The following ZNF385D variants were observed in gnomAD, a reference collection of about 807,000 sequenced individuals.
ZNF385D encodes the protein zinc finger protein 659.
ZNF385D carries 15 observed loss-of-function variants against 35.8 expected under a neutral mutation model. The ratio of observed to expected loss-of-function variants is 0.42; its 90% CI spans 0.28 to 0.64. The LOEUF is 0.64. Among genes scored for constraint, ZNF385D ranks in the 30% least tolerant of loss-of-function variants. The pLI is 0.23. For missense variants in ZNF385D, 474 were observed against 494.6 expected, an observed-to-expected ratio of 0.96 and a Z score of 0.39; for synonymous variants, 212 against 186.8, an observed-to-expected ratio of 1.13 and a Z score of -1.10.
At chr3:22,039,743 T>C (rs1267541750) in intron 3 of ZNF385D, among the ~76,000 whole-genome samples, 1 of 152,080 alleles carries the variant, frequency 6.6e-6, no homozygotes, top group Non-Finnish European at 1.5e-5. Context: ...ACTAAATAAC[T>C]ATTGCTTAAA....
chr3:21,584,876 T>G (rs1007513789), intron 2 of ZNF385D, among the ~76,000 whole-genome samples: 65 of 152,340 alleles, frequency 4.3e-4, no homozygotes, highest in African/African-American at 1.4e-3. Flanking sequence ...ATGCACTTCA[T>G]GTACCCTATG....
chr3:21,818,457 G>C (rs866976329), intron 3 of ZNF385D, among the ~76,000 whole-genome samples: 2 of 152,060 alleles, frequency 1.3e-5, no homozygotes. Flanking sequence ...ACACTAACTG[G>C]TTATTAGATG....
chr3:21,652,695 A>G lies in ZNF385D; in HGVS notation c.165+12191T>C, dbSNP rs559030769. 1.3e-4 allele frequency among the ~76,000 whole-genome samples: 19 copies of G among 148,738 alleles called. No individual in the cohort carries two copies. In the South Asian group the frequency reaches 3.4e-3, roughly 27 times the overall value. On this transcript the variant is annotated intron_variant, in intron 2 of 7. Coordinates refer to ENST00000281523, the MANE Select transcript of ZNF385D (RefSeq NM_024697.3). ...TGTGTCCATGTGTTCTCATTGTTCAATTCCCACCTATGAGTGAGAACATGC... is the reference window on the plus strand; with the variant it reads ...TGTGTCCATGTGTTCTCATTGTTCAGTTCCCACCTATGAGTGAGAACATGC...
At chr3:22,068,699 A>C (rs572622975) in intron 3 of ZNF385D, among the ~76,000 whole-genome samples, 30 of 152,262 alleles carry the variant, frequency 2.0e-4, no homozygotes, top group African/African-American at 6.7e-4. Context: ...TCTCATAATA[A>C]ATTTCTTTTT....
intron 3 of ZNF385D, among the ~76,000 whole-genome samples, chr3:21,852,989 A>G (rs372144521): frequency 3.9e-5 from 6 of 152,008 alleles, no homozygotes; most frequent in African/African-American, 1.4e-4. Flanking sequence ...CACTAATAAA[A>G]CATCCCTCTG....
At chr3:21,557,114 C>T (rs1285084709) in intron 3 of ZNF385D, among the ~76,000 whole-genome samples, 1 of 152,102 alleles carries the variant, frequency 6.6e-6, no homozygotes, top group Non-Finnish European at 1.5e-5. Flanking sequence ...CATCTGCAAA[C>T]AGACAAGTTG....
At chr3:22,188,432 C>T (rs1010435416) in intron 2 of ZNF385D, among the ~76,000 whole-genome samples, 5 of 150,808 alleles carry the variant, frequency 3.3e-5, no homozygotes, top group African/African-American at 1.2e-4. Flanking sequence ...AATGTGTTTA[C>T]ATACAAATAC....
chr3:22,173,992 G>A (rs1029095428), intron 2 of ZNF385D, among the ~76,000 whole-genome samples: 21 of 150,464 alleles, frequency 1.4e-4, no homozygotes, highest in Non-Finnish European at 2.8e-4. Context: ...TTTATTATCA[G>A]TTTCAATTAA....
chr3:22,102,355 G>C (rs760900651), intron 3 of ZNF385D, among the ~76,000 whole-genome samples: 1 of 152,024 alleles, frequency 6.6e-6, no homozygotes, highest in Non-Finnish European at 1.5e-5. Context: ...CAAAAACAGA[G>C]AGAAGCAATT....
chr3:22,260,698 T>C (rs1263451641), intron 2 of ZNF385D, among the ~76,000 whole-genome samples: 1 of 151,844 alleles, frequency 6.6e-6, no homozygotes, highest in African/African-American at 2.4e-5. Context: ...CCTTTTTACC[T>C]AACATAAAAA....
Position 21,751,127 on chromosome 3 carries a change from T to C in ZNF385D, c.-211A>G. ...GATCCCCGGCGGCTGGAGAGTGCGC[T>C]CGGGCTGCCTGCTGCACTGCCCATC... On this transcript the variant is annotated 5_prime_UTR_variant, in exon 1 of 8. Transcript: ENST00000281523. 1 of 1,461,284 alleles carries C rather than the reference T, an allele frequency of 6.8e-7. No homozygotes were observed. The highest frequency in any genetic ancestry group is 9.0e-7 in the Non-Finnish European group (1 of 1,107,932). 90.5% of individuals were successfully genotyped at this position (1,461,284 alleles called of 1,614,324 possible). A position where few individuals can be genotyped will look rare whatever the true frequency, so the allele number is the denominator to read the frequency against.
chr3:21,708,261 T>C (rs9821238), intron 1 of ZNF385D, among the ~76,000 whole-genome samples: 80,279 of 151,972 alleles, frequency 0.53, 21,977 homozygotes, highest in East Asian at 0.63. Flanking sequence ...TAAGAACTTA[T>C]TATGTTCTAG....
At chr3:22,318,820 A>AT (rs1470463618) in intron 2 of ZNF385D, among the ~76,000 whole-genome samples, 1 of 152,212 alleles carries the variant, frequency 6.6e-6, no homozygotes, top group Non-Finnish European at 1.5e-5. Flanking sequence ...AAAGACAATG[A>AT]TTAGCAGACT....
At chr3:22,212,364 G>T (rs1388739827) in intron 2 of ZNF385D, among the ~76,000 whole-genome samples, 2 of 151,936 alleles carry the variant, frequency 1.3e-5, no homozygotes, top group African/African-American at 2.4e-5. Context: ...ATTTCCATAT[G>T]CATATGTCTT....
intron 3 of ZNF385D, among the ~76,000 whole-genome samples, chr3:22,025,016 G>C (rs1454752976): frequency 1.3e-5 from 2 of 152,152 alleles, no homozygotes; most frequent in Non-Finnish European, 2.9e-5. Flanking sequence ...AGCCTCACCA[G>C]GGGTCTACTG....
chr3:22,000,764 G>GAA (rs34477208), intron 3 of ZNF385D, among the ~76,000 whole-genome samples: 48 of 149,836 alleles, frequency 3.2e-4, no homozygotes, highest in East Asian at 2.8e-3. Context: ...TCTGAAAGAG[G>GAA]AAAAAAAAAC....
At chr3:21,567,575 A>AAAATT (rs1468698086) in intron 2 of ZNF385D, among the ~76,000 whole-genome samples, 2 of 152,090 alleles carry the variant, frequency 1.3e-5, no homozygotes, top group Admixed American at 6.6e-5. Flanking sequence ...AGCTGACGGA[A>AAAATT]AAATTAAAAG....
At chr3:21,722,540 C>T (rs2068586504) in intron 1 of ZNF385D, among the ~76,000 whole-genome samples, 1 of 152,244 alleles carries the variant, frequency 6.6e-6, no homozygotes, top group African/African-American at 2.4e-5. Context: ...GTTGGTTGTG[C>T]TCCCAGATGG....
At chr3:21,846,130 T>G (rs182337307) in intron 3 of ZNF385D, among the ~76,000 whole-genome samples, 1 of 151,948 alleles carries the variant, frequency 6.6e-6, no homozygotes, top group Non-Finnish European at 1.5e-5. Context: ...TACATATTAG[T>G]CTTTGCTGTG....
Sources: allele counts gnomAD v4.1 joint callset (sites outside exome capture counted in the v4.1 genomes callset), GRCh38; gene constraint gnomAD v4.1.1; transcripts MANE v1.5; gene names NCBI Gene and HGNC (gene_info 2026-07-23, HGNC 2026-07-21).